RUNX2: variants seen among roughly 807,000 people sequenced by gnomAD.
RUNX2 encodes runt-related transcription factor 2.
RUNX2 carries 10 observed loss-of-function variants against 51.7 expected under a neutral mutation model. The ratio of observed to expected loss-of-function variants is 0.19; its 90% confidence interval spans 0.12 to 0.33. The LOEUF is 0.33. RUNX2 is among the 10% of genes least tolerant of loss of function. The pLI is 1.00. For synonymous variants in RUNX2, 276 were observed against 273.6 expected (o/e 1.01, Z -0.09); for missense variants, 562 against 691.3 (o/e 0.81, Z 2.10).
chr6:45,374,649 A>C (rs1305756175), intron 2 of RUNX2, among the ~76,000 whole-genome samples: 3 of 151,436 alleles, frequency 2.0e-5, no homozygotes, highest in Non-Finnish European at 4.4e-5. Context: ...TTCACTATTC[A>C]ACCTCACCAT....
At chr6:45,421,866 A>T (rs1798200765) in intron 2 of RUNX2, 2 of 152,074 alleles carry the variant, frequency 1.3e-5, no homozygotes, top group South Asian at 4.1e-4. Flanking sequence ...TTGAAGCGCG[A>T]GAGACAGGGG....
intron 5 of RUNX2, among the ~76,000 whole-genome samples, chr6:45,470,158 C>A (rs374693765): frequency 5.9e-5 from 9 of 152,058 alleles, no homozygotes; most frequent in Non-Finnish European, 1.5e-5. Flanking sequence ...AACAAAAGTT[C>A]GTTACTATTT....
intron 2 of RUNX2, among the ~76,000 whole-genome samples, chr6:45,384,531 C>T (rs950040954): frequency 1.3e-5 from 2 of 151,948 alleles, no homozygotes; most frequent in African/African-American, 4.8e-5. Flanking sequence ...GTGATCCTCC[C>T]ACCTTGGCCT....
At chr6:45,540,630 C>T (rs1342688614) in intron 7 of RUNX2, among the ~76,000 whole-genome samples, 1 of 152,210 alleles carries the variant, frequency 6.6e-6, no homozygotes, top group African/African-American at 2.4e-5. Flanking sequence ...GCTAGTTTCA[C>T]TCTCTGTTCC....
chr6:45,371,549 C>T (rs1796079395), intron 2 of RUNX2, among the ~76,000 whole-genome samples: 1 of 152,098 alleles, frequency 6.6e-6, no homozygotes, highest in Admixed American at 6.6e-5. Flanking sequence ...TTTAGATATA[C>T]TATGTTTTAA....
In RUNX2 at chr6:45,530,046, C is replaced by T. The variant is rs972194393; in HGVS notation, c.1022-15171C>T. 2.6e-5 allele frequency among the ~76,000 whole-genome samples: 4 copies of T among 152,192 alleles called. No individual in the cohort carries two copies. In the South Asian group the frequency reaches 8.3e-4, roughly 32 times the overall value. On this transcript the variant is annotated intron_variant, in intron 7 of 8. Transcript: ENST00000647337. ...GGGAACTGGAGATGTGGTTATCTTT[C>T]AGCCCATTTGCAGACTTTGCAAGCT...
intron 2 of RUNX2, among the ~76,000 whole-genome samples, chr6:45,352,646 A>G (rs2150197954): frequency 6.6e-6 from 1 of 152,306 alleles, no homozygotes; most frequent in Middle Eastern, 3.4e-3. Flanking sequence ...CAAGTAGAGT[A>G]CTATGGAGCA....
chr6:45,392,720 T>TA (rs954010151), intron 2 of RUNX2, among the ~76,000 whole-genome samples: 1 of 151,704 alleles, frequency 6.6e-6, no homozygotes, highest in Non-Finnish European at 1.5e-5. Flanking sequence ...TTTTTTTTTT[T>TA]TATATTTATG....
intron 2 of RUNX2, among the ~76,000 whole-genome samples, chr6:45,386,224 C>G (rs1000536577): frequency 3.9e-5 from 6 of 152,026 alleles, no homozygotes; most frequent in Admixed American, 3.9e-4. Context: ...TATGCCACCA[C>G]GCCTGGCTAA....
chr6:45,376,114 C>T (rs1354025598), intron 2 of RUNX2, among the ~76,000 whole-genome samples: 5 of 152,164 alleles, frequency 3.3e-5, no homozygotes, highest in Admixed American at 3.3e-4. Context: ...AAAGAAAACT[C>T]CAGTTAATAC....
chr6:45,496,899 C>CT (rs139417936), intron 6 of RUNX2, among the ~76,000 whole-genome samples: 14 of 151,868 alleles, frequency 9.2e-5, no homozygotes, highest in African/African-American at 1.9e-4. Context: ...TGAATACTCT[C>CT]TTTTTTTTAA....
chr6:45,521,201 G>A (rs894726272), intron 7 of RUNX2, among the ~76,000 whole-genome samples: 3 of 152,074 alleles, frequency 2.0e-5, no homozygotes, highest in African/African-American at 7.2e-5. Context: ...TTAAAAAAAA[G>A]AGGAAGATAG....
At chr6:45,500,309 T>G (rs1169486730) in intron 6 of RUNX2, among the ~76,000 whole-genome samples, 1 of 152,228 alleles carries the variant, frequency 6.6e-6, no homozygotes, top group East Asian at 1.9e-4. Context: ...GTTTTCATTT[T>G]AATGTATGCG....
chr6:45,356,909 C>A (rs1419946371), intron 2 of RUNX2, among the ~76,000 whole-genome samples: 1 of 152,186 alleles, frequency 6.6e-6, no homozygotes, highest in Non-Finnish European at 1.5e-5. Context: ...ACAGAATTTA[C>A]TGTAACGAGG....
At chr6:45,400,217 G>GGGAA (rs144270047) in intron 2 of RUNX2, among the ~76,000 whole-genome samples, 29 of 146,000 alleles carry the variant, frequency 2.0e-4, no homozygotes, top group East Asian at 1.3e-3. Context: ...GAGGGAATGA[G>GGGAA]GGAAGGAAGG....
At position 45,549,130 on chromosome 6, in the gene RUNX2, G is replaced by A. The variant is rs890950113; in HGVS notation, c.*1825G>A. ...CTTTGACCACTCCTGGCAGTCACAT[G>A]GCAGATTTCCAAGTGCAAATCCTTA... On this transcript the variant is annotated 3_prime_UTR_variant, in exon 9 of 9. Coordinates refer to ENST00000647337, the MANE Select transcript of RUNX2 (RefSeq NM_001024630.4). 1.3e-5 allele frequency: 5 copies of A among 398,466 alleles called. No individual in the cohort carries two copies. The highest frequency in any genetic ancestry group is 1.0e-4 in the African/African-American group (5 of 48,598). 24.7% of individuals were successfully genotyped at this position (398,466 alleles called of 1,614,324 possible).
chr6:45,530,314 C>T (rs1801802849), intron 7 of RUNX2, among the ~76,000 whole-genome samples: 1 of 152,184 alleles, frequency 6.6e-6, no homozygotes, highest in Non-Finnish European at 1.5e-5. Context: ...TCATTAAAAT[C>T]AAATAAGCAG....
intron 7 of RUNX2, among the ~76,000 whole-genome samples, chr6:45,542,832 A>G (rs1802273052): frequency 6.6e-6 from 1 of 152,206 alleles, no homozygotes; most frequent in Non-Finnish European, 1.5e-5. Context: ...TTAGAAGTCA[A>G]AGAGGTCTGT....
chr6:45,343,937 A>G (rs983956902), intron 2 of RUNX2, among the ~76,000 whole-genome samples: 1 of 152,210 alleles, frequency 6.6e-6, no homozygotes, highest in Non-Finnish European at 1.5e-5. Flanking sequence ...TTTTATAACC[A>G]GTTGCCCTTG....
Sources: gnomAD v4.1 joint callset for allele counts (sites outside exome capture counted in the v4.1 genomes callset) on GRCh38, gnomAD v4.1.1 for gene constraint, MANE v1.5 for transcripts, NCBI Gene and HGNC (gene_info 2026-07-23, HGNC 2026-07-21) for gene names.